Variants in MAT1A observed in about 807,000 individuals in gnomAD.
MAT1A encodes S-adenosylmethionine synthase isoform type-1.
A neutral mutation model predicts 44.0 loss-of-function variants in MAT1A; 19 were observed. That is an observed-to-expected ratio of 0.43 (90% CI 0.30 to 0.63). The LOEUF is 0.63. Ranked by LOEUF, MAT1A falls within the 30% of genes least tolerant of loss-of-function variation. The pLI is 0.12. For missense variants in MAT1A, 397 were observed against 531.0 expected, an observed-to-expected ratio of 0.75 and a Z score of 2.48; for synonymous variants, 205 against 205.6, an observed-to-expected ratio of 1.00 and a Z score of 0.03.
chr10:80,275,834 C>A (rs1180063402), intron 6 of MAT1A, among the ~76,000 whole-genome samples: 2 of 152,236 alleles, frequency 1.3e-5, no homozygotes. Context: ...GCAAAGCACA[C>A]ACGGCTGAGG....
chr10:80,278,873 G>C (rs916595193), intron 5 of MAT1A, among the ~76,000 whole-genome samples: 32 of 152,240 alleles, frequency 2.1e-4, no homozygotes, highest in Middle Eastern at 3.2e-3. Flanking sequence ...AGTGGCCAGG[G>C]ATGGCATCCC....
Position 80,273,532 on chromosome 10 carries a change from A to G in MAT1A, c.*249T>C, listed in dbSNP as rs1039795412. ...GGGGTGCCTTTTCCACTAAATTAAC[A>G]TTGCCCCAGTCTGAGGGAGCAGCAG... On this transcript the variant is annotated 3_prime_UTR_variant, in exon 9 of 9. Coordinates refer to ENST00000372213, the MANE Select transcript of MAT1A (RefSeq NM_000429.3). The G allele has an allele frequency of 3.9e-6, 2 of 516,852 alleles. No individual in the cohort carries two copies. Among genetic ancestry groups the G allele is most frequent in the Non-Finnish European group, 3.5e-6 (1 of 284,062 alleles). The allele number at this position is 516,852 out of a possible 1,614,324, so 32.0% of individuals were successfully genotyped here.
chr10:80,286,376 C>A (rs921872749), intron 1 of MAT1A, among the ~76,000 whole-genome samples: 5 of 152,114 alleles, frequency 3.3e-5, no homozygotes, highest in Non-Finnish European at 7.3e-5. Flanking sequence ...GTATATAAAA[C>A]ACCACACCCA....
Position 80,283,899 on chromosome 10 carries a change from C to T in MAT1A, c.292+17G>A, listed in dbSNP as rs372538366. 3.8e-5 allele frequency: 61 copies of T among 1,613,494 alleles called. No homozygotes were observed. Among genetic ancestry groups the T allele is most frequent in the African/African-American group, 6.7e-5 (5 of 74,926 alleles). On this transcript the variant is annotated intron_variant, in intron 3 of 8. Coordinates refer to ENST00000372213, the MANE Select transcript of MAT1A (RefSeq NM_000429.3). ...CAGAGAGCAACAGGGATTTCAGACC[C>T]GGAGGCCTGCCCTCACCCTTGGCTG... is the stretch of plus-strand genomic sequence containing the variant.
chr10:80,289,414 G>A lies in MAT1A; in HGVS notation c.10C>T (p.Pro4Ser). 6.2e-7 allele frequency: 1 copy of A among 1,613,606 alleles called. No homozygotes were observed. Among genetic ancestry groups the A allele is most frequent in the Non-Finnish European group, 8.5e-7 (1 of 1,179,568 alleles). MNG[P>S]VDGLCDHSLS... ...GAGTGGTCACACAAGCCATCCACCG[G>A]TCCATTCATCTTCTCACACTTCTCC... The change falls in exon 1 of 9, where the codon CCG (proline) becomes TCG (serine). Residue 4 changes from proline (P) to serine (S), a missense_variant. Coordinates refer to ENST00000372213, the MANE Select transcript of MAT1A (RefSeq NM_000429.3).
intron 2 of MAT1A, 113 bp downstream of exon 2, chr10:80,285,399 G>T: frequency 1.2e-6 from 1 of 845,444 alleles, no homozygotes; most frequent in Non-Finnish European, 2.1e-6. Flanking sequence ...CTGCAGAGCA[G>T]AGGACATGGA....
intron 4 of MAT1A, among the ~76,000 whole-genome samples, 161 bp downstream of exon 4, chr10:80,280,519 C>T (rs1193661212): frequency 3.3e-5 from 5 of 152,178 alleles, no homozygotes; most frequent in Non-Finnish European, 4.4e-5. Context: ...CCAGTGTCAG[C>T]AACCACAGCC....
At chr10:80,278,040 A>T (rs1841514288) in intron 5 of MAT1A, among the ~76,000 whole-genome samples, 1 of 152,172 alleles carries the variant, frequency 6.6e-6, no homozygotes, top group South Asian at 2.1e-4. Context: ...TGCCTGGCCC[A>T]GGGCCTCTCT....
intron 6 of MAT1A, among the ~76,000 whole-genome samples, chr10:80,276,046 G>A (rs1841480827): frequency 6.6e-6 from 1 of 152,210 alleles, no homozygotes; most frequent in Non-Finnish European, 1.5e-5. Context: ...GCTGCAGTGG[G>A]GAATGTGCAC....
At chr10:80,276,037 C>T (rs1203303257) in intron 6 of MAT1A, among the ~76,000 whole-genome samples, 2 of 152,216 alleles carry the variant, frequency 1.3e-5, no homozygotes, top group African/African-American at 4.8e-5. Flanking sequence ...CGTGCAAATG[C>T]TGCAGTGGGG....
chr10:80,289,144 T>G (rs1383457573), intron 1 of MAT1A, among the ~76,000 whole-genome samples, 189 bp downstream of exon 1: 2 of 152,236 alleles, frequency 1.3e-5, no homozygotes, highest in Admixed American at 1.3e-4. Flanking sequence ...GTAGTCAATG[T>G]CTGTGGCAAT....
Position 80,280,722 on chromosome 10 carries a change from G to A in MAT1A, c.363C>T (p.Val121=). The change falls in exon 4 of 9, where the codon GTC becomes GTT. Residue 121 remains valine, a synonymous_variant. Coordinates refer to ENST00000372213, the MANE Select transcript of MAT1A (RefSeq NM_000429.3). ...EQQSPDIAQC[V]HLDRNEEDVG... ...CATCCTCCTCATTTCTGTCCAGATG[G>A]ACGCACTGGGCAATATCTGGGGATT... 1.2e-6 allele frequency: 2 copies of A among 1,614,178 alleles called. No individual in the cohort carries two copies. The highest frequency in any genetic ancestry group is 1.7e-6 in the Non-Finnish European group (2 of 1,180,028).
At chr10:80,281,107 G>C (rs1476379963) in intron 3 of MAT1A, among the ~76,000 whole-genome samples, 1 of 152,086 alleles carries the variant, frequency 6.6e-6, no homozygotes, top group Non-Finnish European at 1.5e-5. Context: ...TGATGCCAAG[G>C]CTCCTCTGGC....
At position 80,284,030 on chromosome 10, in the gene MAT1A, A is replaced by G. The variant is rs1409330704; in HGVS notation, c.178T>C (p.Cys60Arg). The change falls in exon 3 of 9, where the codon TGC (cysteine) becomes CGC (arginine). Residue 60 changes from cysteine to arginine, a missense_variant. Transcript: ENST00000372213. The stretch of plus-strand genomic sequence containing the variant: ...CACAGCAGCACCATGCCGGTCTTGC[A>G]CACTGTCTCTGAAAGGGAGCGGGGA... ...PNAKVACETV[C>R]KTGMVLLCGE... The G allele has an allele frequency of 6.2e-7, 1 of 1,614,036 alleles. No homozygotes were observed. Among genetic ancestry groups the G allele is most frequent in the East Asian group, 2.2e-5 (1 of 44,900 alleles).
intron 5 of MAT1A, among the ~76,000 whole-genome samples, chr10:80,277,459 T>G (rs873395): frequency 6.6e-6 from 1 of 152,108 alleles, no homozygotes; most frequent in African/African-American, 2.4e-5. Context: ...CCAGAAGAAG[T>G]AGGAGAAAGA....
At position 80,271,940 on chromosome 10, in the gene MAT1A, T is replaced by A. The variant is rs532937672; in HGVS notation, c.*1841A>T. On this transcript the variant is annotated 3_prime_UTR_variant, in exon 9 of 9. Coordinates refer to ENST00000372213, the MANE Select transcript of MAT1A (RefSeq NM_000429.3). ...ATTTCTCTAGAGGGTAGGGAAAGTA[T>A]AAAATTCTGAATTTTCATGTCGAGT... 9.2e-5 allele frequency: 14 copies of A among 152,320 alleles called. No individual in the cohort carries two copies. The highest frequency in any genetic ancestry group is 3.4e-4 in the African/African-American group (14 of 41,574). The allele number at this position is 152,320 out of a possible 1,614,324, so 9.4% of individuals were successfully genotyped here.
At position 80,289,495 on chromosome 10, in the gene MAT1A, T is replaced by TTTTC. The variant is rs145126070; in HGVS notation, c.-73_-72insGAAA. 9.3e-6 allele frequency: 8 copies of TTTTC among 863,284 alleles called. 1 individual carries two copies. The highest frequency in any genetic ancestry group is 3.8e-5 in the Admixed American group (2 of 53,310). 53.5% of individuals were successfully genotyped at this position (863,284 alleles called of 1,614,324 possible). A position where few individuals can be genotyped will look rare whatever the true frequency, so the allele number is the denominator to read the frequency against. On this transcript the variant is annotated 5_prime_UTR_variant, in exon 1 of 9. Transcript: ENST00000372213. ...GGCTGTGACTTTGCCTGAGTTTTTTTTTCTTCTTCTTCTTCTTCTTTCAAC... is the reference window on the plus strand; with the variant it reads ...GGCTGTGACTTTGCCTGAGTTTTTTTTTTCTTCTTCTTCTTCTTCTTCTTTCAAC...
At chr10:80,280,860 G>T in intron 3 of MAT1A, 68 bp from the exon 4 acceptor site, 1 of 1,109,628 alleles carries the variant, frequency 9.0e-7, no homozygotes, top group Non-Finnish European at 1.4e-6. Context: ...ACTTCCCAAT[G>T]GATGGCTCGG....
intron 3 of MAT1A, among the ~76,000 whole-genome samples, chr10:80,281,941 C>T (rs1485973871): frequency 6.6e-6 from 1 of 152,190 alleles, no homozygotes; most frequent in African/African-American, 2.4e-5. Flanking sequence ...ACTCTCAGTG[C>T]ATGTCCCTGG....
Sources: gnomAD v4.1 joint callset for allele counts (sites outside exome capture counted in the v4.1 genomes callset) on GRCh38, gnomAD v4.1.1 for gene constraint, MANE v1.5 for transcripts, NCBI Gene and HGNC (gene_info 2026-07-23, HGNC 2026-07-21) for gene names.